Variants in ZNF385D observed in about 807,000 individuals in gnomAD.
The protein encoded by ZNF385D is zinc finger protein 385D.
A neutral mutation model predicts 35.8 loss-of-function variants in ZNF385D; 15 were observed. The observed-to-expected ratio is 0.42, with a 90% CI of 0.28 to 0.64. The LOEUF is 0.64. Among genes scored for constraint, ZNF385D ranks in the 30% least tolerant of loss-of-function variants. The pLI, the probability that ZNF385D is intolerant of heterozygous loss-of-function variation, is 0.23. For missense variants in ZNF385D, 474 were observed against 494.6 expected, an observed-to-expected ratio of 0.96 and a Z score of 0.39; for synonymous variants, 212 against 186.8, an observed-to-expected ratio of 1.13 and a Z score of -1.10.
intron 3 of ZNF385D, among the ~76,000 whole-genome samples, chr3:22,164,692 G>A (rs1401371534): frequency 6.7e-6 from 1 of 149,726 alleles, no homozygotes; most frequent in Non-Finnish European, 1.5e-5. Flanking sequence ...TTTCCCCTCT[G>A]TTGTATAATG....
intron 2 of ZNF385D, among the ~76,000 whole-genome samples, chr3:21,663,641 C>G (rs1215510211): frequency 1.3e-5 from 2 of 151,730 alleles, no homozygotes; most frequent in African/African-American, 4.8e-5. Context: ...GATTAGAAAC[C>G]TGTGTTTTGT....
At chr3:21,724,492 A>C (rs2068674481) in intron 1 of ZNF385D, among the ~76,000 whole-genome samples, 3 of 61,426 alleles carry the variant, frequency 4.9e-5, no homozygotes, top group African/African-American at 7.5e-5. Flanking sequence ...AAAAAAAAAA[A>C]AAAAAAAAAA....
chr3:21,755,583 A>C (rs762642873), upstream of ZNF385D, among the ~76,000 whole-genome samples: 8 of 152,220 alleles, frequency 5.3e-5, no homozygotes, highest in Non-Finnish European at 8.8e-5. Flanking sequence ...CCAAAAGACT[A>C]AATGAGGTGT....
chr3:22,139,267 A>G (rs575939257), intron 3 of ZNF385D, among the ~76,000 whole-genome samples: 28 of 152,350 alleles, frequency 1.8e-4, no homozygotes, highest in African/African-American at 5.8e-4. Context: ...ATTACTGGGT[A>G]TATACCCAAA....
intron 3 of ZNF385D, among the ~76,000 whole-genome samples, chr3:22,139,096 A>AT (rs200373291): frequency 0.48 from 72,339 of 151,948 alleles, 18,375 homozygotes; most frequent in East Asian, 0.81. Flanking sequence ...AATGGCCATC[A>AT]TTAAAAAGTC....
intron 2 of ZNF385D, among the ~76,000 whole-genome samples, chr3:22,231,895 G>C (rs1170077122): frequency 6.6e-6 from 1 of 151,950 alleles, no homozygotes; most frequent in Non-Finnish European, 1.5e-5. Context: ...ACAAGATCTG[G>C]TTGTTTAAGA....
At chr3:21,975,721 A>ATG (rs1703563704) in intron 3 of ZNF385D, among the ~76,000 whole-genome samples, 7 of 4,316 alleles carry the variant, frequency 1.6e-3, no homozygotes, top group Non-Finnish European at 3.7e-3. Context: ...ATATATATAT[A>ATG]TATATATATA....
At chr3:22,270,050 G>T (rs1701095271) in intron 2 of ZNF385D, among the ~76,000 whole-genome samples, 2 of 151,832 alleles carry the variant, frequency 1.3e-5, no homozygotes, top group African/African-American at 4.8e-5. Context: ...TCTCTGGGGT[G>T]GAATCTGAGT....
chr3:22,149,791 C>G (rs1020842133), intron 3 of ZNF385D, among the ~76,000 whole-genome samples: 5 of 152,152 alleles, frequency 3.3e-5, no homozygotes, highest in African/African-American at 1.2e-4. Flanking sequence ...AAAGACAATG[C>G]GCTTTTCTCA....
At chr3:21,598,491 ATAT>A (rs1255634017) in intron 2 of ZNF385D, among the ~76,000 whole-genome samples, 2 of 152,250 alleles carry the variant, frequency 1.3e-5, no homozygotes, top group African/African-American at 4.8e-5. Context: ...TGAGTAAACC[ATAT>A]TATTGGACTG....
chr3:21,664,050 A>G (rs2066326000), intron 2 of ZNF385D, among the ~76,000 whole-genome samples: 2 of 150,380 alleles, frequency 1.3e-5, no homozygotes, highest in South Asian at 4.2e-4. Flanking sequence ...CCTGTCATTG[A>G]CAAGCTCAGA....
chr3:21,559,073 G>T (rs1440759493), intron 3 of ZNF385D, among the ~76,000 whole-genome samples: 2 of 146,650 alleles, frequency 1.4e-5, no homozygotes, highest in African/African-American at 5.1e-5. Context: ...TTTTACACAT[G>T]AGAGTCTCCT....
At chr3:21,832,252 T>C (rs1034109207) in intron 3 of ZNF385D, among the ~76,000 whole-genome samples, 4 of 152,206 alleles carry the variant, frequency 2.6e-5, no homozygotes, top group Non-Finnish European at 5.9e-5. Context: ...AAAAAGATTA[T>C]AGCATTTCCT....
chr3:21,975,740 TATATATATATATATAC>T (rs1369769876), intron 3 of ZNF385D, among the ~76,000 whole-genome samples: 1 of 47,788 alleles, frequency 2.1e-5, no homozygotes, highest in Non-Finnish European at 4.0e-5. Context: ...TATATATATA[TATATATATATATATAC>T]ACACACTATG....
At chr3:22,314,988 T>C (rs1433242569) in intron 2 of ZNF385D, among the ~76,000 whole-genome samples, 1 of 152,002 alleles carries the variant, frequency 6.6e-6, no homozygotes, top group Non-Finnish European at 1.5e-5. Flanking sequence ...CACATGTAGG[T>C]CTTGAAGAAA....
intron 6 of ZNF385D, among the ~76,000 whole-genome samples, chr3:21,425,126 A>G (rs1186310349): frequency 6.6e-6 from 1 of 152,226 alleles, no homozygotes; most frequent in Non-Finnish European, 1.5e-5. Context: ...TTAAAACGGA[A>G]TACTGCAAGT....
At chr3:22,183,751 A>G (rs988540235) in intron 2 of ZNF385D, among the ~76,000 whole-genome samples, 6 of 152,086 alleles carry the variant, frequency 3.9e-5, no homozygotes, top group African/African-American at 1.4e-4. Flanking sequence ...TGCCCTTTTG[A>G]ATGTTTCTTT....
chr3:22,254,453 G>C (rs1378095569), intron 2 of ZNF385D, among the ~76,000 whole-genome samples: 1 of 151,608 alleles, frequency 6.6e-6, no homozygotes, highest in Admixed American at 6.6e-5. Context: ...TTTTGACCTA[G>C]CAAGTATCTT....
chr3:22,086,108 C>A (rs186036783), intron 3 of ZNF385D, among the ~76,000 whole-genome samples: 1 of 152,144 alleles, frequency 6.6e-6, no homozygotes, highest in Non-Finnish European at 1.5e-5. Context: ...ACTGCATGGG[C>A]GAAACCTGGA....
Sources: gnomAD v4.1 joint callset for allele counts (sites outside exome capture counted in the v4.1 genomes callset) on GRCh38, gnomAD v4.1.1 for gene constraint, MANE v1.5 for transcripts, NCBI Gene and HGNC (gene_info 2026-07-23, HGNC 2026-07-21) for gene names.